Variants in TENM2 observed in about 807,000 individuals in gnomAD.
TENM2 encodes the protein teneurin transmembrane protein 2.
TENM2 carries 52 observed loss-of-function variants against 245.2 expected under a neutral mutation model. The observed-to-expected ratio is 0.21, with a 90% CI of 0.17 to 0.27. TENM2 has a LOEUF of 0.27. Among genes scored for constraint, TENM2 ranks in the 10% least tolerant of loss-of-function variants. The pLI, the probability that TENM2 is intolerant of heterozygous loss-of-function variation, is 1.00. For synonymous variants in TENM2, 1,363 were observed against 1,438.9 expected (o/e 0.95, Z 1.19); for missense variants, 3,046 against 3,666.8 (o/e 0.83, Z 4.37).
intron 2 of TENM2, among the ~76,000 whole-genome samples, chr5:167,517,695 G>T (rs144245611): frequency 3.3e-4 from 50 of 152,224 alleles, no homozygotes; most frequent in African/African-American, 1.2e-3. Flanking sequence ...ACATTTAAAA[G>T]CATAAACAGT....
At position 168,190,202 on chromosome 5, in the gene TENM2, G is replaced by A. The variant is rs1386876480; in HGVS notation, c.2570-135G>A. On this transcript the variant is annotated intron_variant, in intron 13 of 28. Transcript: ENST00000518659. Reference sequence around the variant, plus strand: ...ATTGGAATTGGATGAGGCTTGCTGTGTGAAACCTGCCACCTCAGGCCCTTG... The same window carrying A: ...ATTGGAATTGGATGAGGCTTGCTGTATGAAACCTGCCACCTCAGGCCCTTG... 1.6e-5 allele frequency: 10 copies of A among 617,068 alleles called. No individual in the cohort carries two copies. In the East Asian group the frequency reaches 2.8e-4, roughly 17 times the overall value. 38.2% of individuals were successfully genotyped at this position (617,068 alleles called of 1,614,324 possible).
At position 167,476,751 on chromosome 5, in the gene TENM2, G is replaced by A. The variant is rs144468670; in HGVS notation, c.502+101278G>A. Among the ~76,000 whole-genome samples, 494 of 152,068 alleles carry A rather than the reference G, an allele frequency of 3.2e-3. 2 individuals are homozygous for A. The highest frequency in any genetic ancestry group is 0.011 in the African/African-American group (441 of 41,500). ...GTAGCTGGGATTACAGGCACCTGCT[G>A]TCACGCCCAGCTAAATTTTCTATTT... On this transcript the variant is annotated intron_variant, in intron 2 of 28. Coordinates refer to ENST00000518659, the Ensembl canonical transcript of TENM2.
chr5:167,914,489 C>T (rs1334088132), intron 3 of TENM2, among the ~76,000 whole-genome samples: 2 of 152,152 alleles, frequency 1.3e-5, no homozygotes, highest in South Asian at 2.1e-4. Context: ...TTGGGTCCAC[C>T]CAGATAATCT....
intron 2 of TENM2, among the ~76,000 whole-genome samples, chr5:167,829,277 C>G (rs1768257687): frequency 6.6e-6 from 1 of 152,198 alleles, no homozygotes; most frequent in Non-Finnish European, 1.5e-5. Flanking sequence ...CAGTGAGACA[C>G]CAGCCTTAAA....
the TENM2 span, among the ~76,000 whole-genome samples, chr5:167,132,142 T>C: frequency 1.3e-5 from 2 of 152,278 alleles, no homozygotes; most frequent in East Asian, 3.9e-4. Flanking sequence ...TTTTAATTTT[T>C]GTTTTTGTTG....
At chr5:167,157,524 G>T in the TENM2 span, among the ~76,000 whole-genome samples, 2 of 152,192 alleles carry the variant, frequency 1.3e-5, no homozygotes, top group African/African-American at 2.4e-5. Flanking sequence ...ACAGGTGAAG[G>T]TCTCTTTTAG....
At chr5:167,249,172 A>G in the TENM2 span, among the ~76,000 whole-genome samples, 36 of 152,304 alleles carry the variant, frequency 2.4e-4, no homozygotes, top group South Asian at 1.7e-3. Context: ...TGCCTGTAAA[A>G]TATATAGCCC....
intron 2 of TENM2, among the ~76,000 whole-genome samples, chr5:167,502,155 C>T (rs762797340): frequency 2.0e-4 from 31 of 152,224 alleles, no homozygotes; most frequent in African/African-American, 3.4e-4. Context: ...TTACTCAAGA[C>T]GGGATAGAGT....
At chr5:167,348,825 G>A (rs1452769870) in intron 1 of TENM2, among the ~76,000 whole-genome samples, 1 of 152,078 alleles carries the variant, frequency 6.6e-6, no homozygotes, top group African/African-American at 2.4e-5. Flanking sequence ...TGCCTTCTTG[G>A]CATCGTCAGA....
At chr5:167,676,585 G>A (rs1484560761) in intron 2 of TENM2, among the ~76,000 whole-genome samples, 2 of 152,064 alleles carry the variant, frequency 1.3e-5, no homozygotes, top group South Asian at 4.1e-4. Context: ...CCCCAGAGAA[G>A]AGTGATCACG....
At chr5:167,410,007 A>C (rs1762828500) in intron 2 of TENM2, among the ~76,000 whole-genome samples, 2 of 151,996 alleles carry the variant, frequency 1.3e-5, no homozygotes, top group South Asian at 2.1e-4. Context: ...ACAAATTACA[A>C]ATTTTAGGAT....
chr5:168,106,610 G>A (rs1794266024), intron 9 of TENM2, among the ~76,000 whole-genome samples: 2 of 152,230 alleles, frequency 1.3e-5, no homozygotes, highest in African/African-American at 4.8e-5. Context: ...GACTAGCCAT[G>A]AGACTGACCT....
intron 8 of TENM2, among the ~76,000 whole-genome samples, chr5:168,097,331 A>G (rs759537755): frequency 1.3e-5 from 2 of 152,208 alleles, no homozygotes; most frequent in Non-Finnish European, 2.9e-5. Flanking sequence ...GGTTGTGGGT[A>G]CAGTGTTTAA....
chr5:167,111,725 T>A, the TENM2 span, among the ~76,000 whole-genome samples: 219 of 152,336 alleles, frequency 1.4e-3, no homozygotes, highest in African/African-American at 5.2e-3. Flanking sequence ...ACATTCTGAA[T>A]AAATCTTTAG....
At chr5:167,036,386 C>T in the TENM2 span, among the ~76,000 whole-genome samples, 1 of 152,186 alleles carries the variant, frequency 6.6e-6, no homozygotes, top group African/African-American at 2.4e-5. Context: ...TATTGTGCCT[C>T]ATTGGTTTTG....
At chr5:167,302,752 G>A (rs1007106005) in intron 1 of TENM2, among the ~76,000 whole-genome samples, 2 of 152,078 alleles carry the variant, frequency 1.3e-5, no homozygotes, top group Admixed American at 1.3e-4. Context: ...AAGCGGAGAA[G>A]GGGTATTGAC....
chr5:167,758,390 C>A (rs975451925), intron 2 of TENM2, among the ~76,000 whole-genome samples: 1 of 152,152 alleles, frequency 6.6e-6, no homozygotes, highest in Admixed American at 6.5e-5. Context: ...AGCTGATTGG[C>A]TCAATGGGAA....
At chr5:167,386,107 T>C (rs915655680) in intron 2 of TENM2, among the ~76,000 whole-genome samples, 17 of 152,144 alleles carry the variant, frequency 1.1e-4, no homozygotes, top group Admixed American at 2.0e-4. Flanking sequence ...CTCCACACTG[T>C]TTTCCTTGCT....
the TENM2 span, among the ~76,000 whole-genome samples, chr5:167,275,885 C>G: frequency 1.3e-5 from 2 of 151,956 alleles, no homozygotes; most frequent in Non-Finnish European, 2.9e-5. Flanking sequence ...TCTAGAAGTT[C>G]CAGCACCATG....
Sources: gnomAD v4.1 joint callset for allele counts (sites outside exome capture counted in the v4.1 genomes callset) on GRCh38, gnomAD v4.1.1 for gene constraint, MANE v1.5 for transcripts, NCBI Gene and HGNC (gene_info 2026-07-23, HGNC 2026-07-21) for gene names.